The following ATP9B variants were observed in gnomAD, a reference collection of about 807,000 sequenced individuals.
The protein encoded by ATP9B is probable phospholipid-transporting ATPase IIB.
A neutral mutation model predicts 146.1 loss-of-function variants in ATP9B; 110 were observed. That is an observed-to-expected ratio of 0.75 (90% CI 0.65 to 0.88). The LOEUF is 0.88. Among genes scored for constraint, ATP9B ranks in the 40% least tolerant of loss-of-function variants. The probability of loss-of-function intolerance (pLI) is 0.00; values close to 1 mark genes in which losing one functional copy is unlikely to be tolerated. For missense variants in ATP9B, 1,499 were observed against 1,496.4 expected (o/e 1.00, Z -0.03); for synonymous variants, 604 against 569.7 (o/e 1.06, Z -0.86).
intron 1 of ATP9B, among the ~76,000 whole-genome samples, 173 bp from the exon 2 acceptor site, chr18:79,096,303 T>C (rs890048839): frequency 1.3e-5 from 2 of 152,196 alleles, no homozygotes; most frequent in African/African-American, 4.8e-5. Flanking sequence ...GGGCAGCTTT[T>C]TTACCTTAGC....
chr18:79,282,834 G>T (rs372196892), intron 13 of ATP9B, among the ~76,000 whole-genome samples: 1 of 152,076 alleles, frequency 6.6e-6, no homozygotes, highest in Non-Finnish European at 1.5e-5. Context: ...GAGTCTTGGT[G>T]CCCCCCAACT....
At chr18:79,174,379 G>A (rs72996107) in intron 7 of ATP9B, among the ~76,000 whole-genome samples, 10,262 of 152,260 alleles carry the variant, frequency 0.067, 416 homozygotes, top group Non-Finnish European at 0.095. Flanking sequence ...AGCATTTACA[G>A]ATTACAACCA....
At chr18:79,261,544 T>A (rs2096141731) in intron 12 of ATP9B, among the ~76,000 whole-genome samples, 1 of 151,428 alleles carries the variant, frequency 6.6e-6, no homozygotes, top group African/African-American at 2.4e-5. Flanking sequence ...ACCTCCACCC[T>A]CCACACCCCA....
At chr18:79,118,942 A>G (rs899715258) in intron 4 of ATP9B, among the ~76,000 whole-genome samples, 6 of 151,980 alleles carry the variant, frequency 3.9e-5, no homozygotes, top group Non-Finnish European at 7.4e-5. Flanking sequence ...GTGGTGGTAC[A>G]TATCTTTAGT....
At chr18:79,345,325 C>T (rs901594542) in intron 21 of ATP9B, 103 bp from the exon 22 acceptor site, 7 of 1,292,402 alleles carry the variant, frequency 5.4e-6, no homozygotes, top group African/African-American at 3.0e-5. Flanking sequence ...AGAACTGTGG[C>T]GTCTGTTGGC....
At chr18:79,361,874 A>C (rs1254966163) in intron 26 of ATP9B, 57 of 875,414 alleles carry the variant, frequency 6.5e-5, no homozygotes, top group East Asian at 1.2e-4. Context: ...CCGTCGGCTC[A>C]AGCTCCTGCG....
At chr18:79,069,681 C>T (rs2071480560) in intron 1 of ATP9B, 152 bp downstream of exon 1, 2 of 501,586 alleles carry the variant, frequency 4.0e-6, no homozygotes, top group Non-Finnish European at 6.3e-6. Context: ...TCTGAGCGCG[C>T]CGCAGCTGTG....
chr18:79,354,887 G>A (rs772030752), intron 25 of ATP9B, among the ~76,000 whole-genome samples: 1 of 152,244 alleles, frequency 6.6e-6, no homozygotes, highest in Non-Finnish European at 1.5e-5. Flanking sequence ...GGGGCACCAG[G>A]AAGACAGATG....
intron 15 of ATP9B, among the ~76,000 whole-genome samples, chr18:79,327,183 C>T (rs1482753745): frequency 1.3e-5 from 2 of 152,234 alleles, no homozygotes; most frequent in Admixed American, 1.3e-4. Context: ...GACTTGAGTT[C>T]TTAGAACCTA....
intron 1 of ATP9B, among the ~76,000 whole-genome samples, chr18:79,076,691 G>A (rs519503): frequency 1 from 151,691 of 152,308 alleles, 75,546 homozygotes; most frequent in Middle Eastern, 1. Flanking sequence ...ATAAGTTTGT[G>A]TCTTTTGTCA....
intron 11 of ATP9B, among the ~76,000 whole-genome samples, chr18:79,231,306 C>A (rs1053943578): frequency 6.6e-6 from 1 of 151,568 alleles, no homozygotes; most frequent in Non-Finnish European, 1.5e-5. Context: ...GAAAAAAAAA[C>A]AAACAGTCCC....
intron 9 of ATP9B, among the ~76,000 whole-genome samples, chr18:79,200,757 G>GGGGACTGTCGGGGTCAGAGCAGAGGTGGA (rs2095473032): frequency 6.6e-6 from 1 of 152,258 alleles, no homozygotes; most frequent in African/African-American, 2.4e-5. Flanking sequence ...AGGTGGAGGT[G>GGGGACTGTCGGGGTCAGAGCAGAGGTGGA]GGAACGTTGG....
At chr18:79,359,636 G>A in intron 26 of ATP9B, 174 bp downstream of exon 26, 2 of 591,862 alleles carry the variant, frequency 3.4e-6, no homozygotes, top group Non-Finnish European at 3.0e-6. Context: ...TTCTCTTTGA[G>A]TTAAACTTCA....
intron 1 of ATP9B, among the ~76,000 whole-genome samples, chr18:79,088,304 G>A (rs1171393834): frequency 6.6e-6 from 1 of 151,834 alleles, no homozygotes; most frequent in East Asian, 1.9e-4. Context: ...TCTCATTTAG[G>A]GTATTATATT....
At chr18:79,204,323 A>T (rs184316178) in intron 9 of ATP9B, among the ~76,000 whole-genome samples, 88 of 152,280 alleles carry the variant, frequency 5.8e-4, no homozygotes, top group Admixed American at 2.2e-3. Flanking sequence ...TGACATTGGT[A>T]AACATATTAC....
intron 5 of ATP9B, among the ~76,000 whole-genome samples, chr18:79,143,372 T>G (rs1255192340): frequency 6.6e-6 from 1 of 152,232 alleles, no homozygotes; most frequent in Non-Finnish European, 1.5e-5. Flanking sequence ...TGATTTTACA[T>G]ATAATTTGCT....
intron 11 of ATP9B, among the ~76,000 whole-genome samples, chr18:79,251,776 C>G (rs2096026339): frequency 6.6e-6 from 1 of 152,138 alleles, no homozygotes; most frequent in South Asian, 2.1e-4. Context: ...ACAAAATAAA[C>G]CAAGTTATTT....
chr18:79,295,194 T>C (rs1420793802), intron 13 of ATP9B, among the ~76,000 whole-genome samples: 1 of 152,148 alleles, frequency 6.6e-6, no homozygotes, highest in Non-Finnish European at 1.5e-5. Flanking sequence ...GAAATGGTAT[T>C]ATTACCAGGA....
chr18:79,350,935 A>G (rs945486434), intron 25 of ATP9B, among the ~76,000 whole-genome samples: 1 of 152,004 alleles, frequency 6.6e-6, no homozygotes, highest in Non-Finnish European at 1.5e-5. Flanking sequence ...CGCCCAGCTA[A>G]TTTTTGTATA....
Sources: allele counts gnomAD v4.1 joint callset (sites outside exome capture counted in the v4.1 genomes callset), GRCh38; gene constraint gnomAD v4.1.1; transcripts MANE v1.5; gene names NCBI Gene and HGNC (gene_info 2026-07-23, HGNC 2026-07-21).